Variants in CSRNP3 observed in about 807,000 individuals in gnomAD.
CSRNP3 encodes the protein cysteine/serine-rich nuclear protein 3.
A neutral mutation model predicts 48.0 loss-of-function variants in CSRNP3; 12 were observed. That is an observed-to-expected ratio of 0.25 (90% CI 0.16 to 0.41). The LOEUF (loss-of-function observed/expected upper bound fraction) is 0.41. Among genes scored for constraint, CSRNP3 ranks in the 10% least tolerant of loss-of-function variants. The pLI is 1.00. For synonymous variants in CSRNP3, 263 were observed against 269.7 expected (o/e 0.98, Z 0.24); for missense variants, 580 against 724.4 (o/e 0.80, Z 2.29).
chr2:165,485,908 G>T lies in CSRNP3; in HGVS notation c.-282-8851G>T, dbSNP rs531239300. ...TAAATCTAGTAGGTAAGGTGCCTCA[G>T]CCATCATCAAATAATTAACAAAGCT... is the stretch of plus-strand genomic sequence containing the variant. On this transcript the variant is annotated intron_variant, in intron 1 of 6. Coordinates refer to ENST00000651982, the MANE Select transcript of CSRNP3 (RefSeq NM_001172173.2). Among the ~76,000 whole-genome samples the T allele has an allele frequency of 2.0e-4, 30 of 152,254 alleles. No individual in the cohort carries two copies. The East Asian group carries it at 5.4e-3, about 27-fold the overall frequency.
At chr2:165,519,542 T>C (rs1027777229) in intron 3 of CSRNP3, among the ~76,000 whole-genome samples, 3 of 152,174 alleles carry the variant, frequency 2.0e-5, no homozygotes, top group Non-Finnish European at 4.4e-5. Flanking sequence ...AGTAAAGTAA[T>C]TTAAAATAGT....
intron 5 of CSRNP3, among the ~76,000 whole-genome samples, chr2:165,664,718 A>G (rs1687149640): frequency 6.6e-6 from 1 of 152,214 alleles, no homozygotes; most frequent in South Asian, 2.1e-4. Flanking sequence ...ATGGTGCTCC[A>G]GGAATATGTT....
chr2:165,521,041 T>G (rs895806937), intron 3 of CSRNP3, among the ~76,000 whole-genome samples: 1 of 151,510 alleles, frequency 6.6e-6, no homozygotes, highest in Non-Finnish European at 1.5e-5. Context: ...TAGCTCAGGC[T>G]AGAAGAGGGC....
In CSRNP3 at chr2:165,679,543, T is replaced by A. The variant is rs754348974; in HGVS notation, c.1548T>A (p.Asn516Lys). ...AAAATGATAGCGGTGTGCCCTGCAA[T>A]AGTTTATATCCTGAACACAGGTCCA... ...SSENDSGVPC[N>K]SLYPEHRSNH... is the part of the protein sequence containing the mutation. The change falls in exon 7 of 7, where the codon AAT (asparagine) becomes AAA (lysine). Residue 516 changes from asparagine to lysine, a missense_variant. By Grantham distance (94) the Asn-to-Lys change is moderately conservative (BLOSUM62 0). This residue lies in a region of CSRNP3 where 369 missense variants were observed against 380.8 expected (regional missense o/e 0.97). Coordinates refer to ENST00000651982, the MANE Select transcript of CSRNP3 (RefSeq NM_001172173.2). 4 of 1,613,838 alleles carry A rather than the reference T, an allele frequency of 2.5e-6. No homozygotes were observed. In the South Asian group the frequency reaches 4.4e-5, roughly 18 times the overall value.
intron 5 of CSRNP3, among the ~76,000 whole-genome samples, chr2:165,658,405 G>T (rs1687043076): frequency 6.6e-6 from 1 of 152,284 alleles, no homozygotes; most frequent in South Asian, 2.1e-4. Flanking sequence ...GTGCAATGTA[G>T]AAGAGTTGCA....
intron 3 of CSRNP3, among the ~76,000 whole-genome samples, chr2:165,575,796 T>A (rs1410661661): frequency 6.6e-6 from 1 of 151,964 alleles, no homozygotes; most frequent in Non-Finnish European, 1.5e-5. Flanking sequence ...TTCTCACCCT[T>A]TATCACTCTA....
chr2:165,482,265 C>CTT (rs5836042), intron 1 of CSRNP3, among the ~76,000 whole-genome samples: 122 of 143,294 alleles, frequency 8.5e-4, no homozygotes, highest in African/African-American at 1.2e-3. Flanking sequence ...AAGAGATGTG[C>CTT]TTTTTTTTTT....
At chr2:165,674,095 G>A (rs1268349919) in intron 5 of CSRNP3, among the ~76,000 whole-genome samples, 2 of 152,098 alleles carry the variant, frequency 1.3e-5, no homozygotes, top group African/African-American at 4.8e-5. Context: ...TTTTGTTGTT[G>A]TAATGTTACC....
rs56808567 is a variant in CSRNP3 at position 165,520,871 on chromosome 2, A to G, written c.-24+2910A>G. Among the ~76,000 whole-genome samples the G allele has an allele frequency of 7.0e-3, 958 of 137,514 alleles. 10 individuals carry two copies. The highest frequency in any genetic ancestry group is 0.025 in the African/African-American group (919 of 36,912). 90.2% of individuals were successfully genotyped at this position (137,514 alleles called of 152,430 possible). ...GAGACAAGGTCTCTCTCTGTTGCCC[A>G]GGCTGGAGCATAGTAGCAGGATCTC... On this transcript the variant is annotated intron_variant, in intron 3 of 6. Coordinates refer to ENST00000651982, the MANE Select transcript of CSRNP3 (RefSeq NM_001172173.2).
Position 165,549,211 on chromosome 2 carries a change from C to T in CSRNP3, c.-24+31250C>T, listed in dbSNP as rs190665494. 5.9e-5 allele frequency among the ~76,000 whole-genome samples: 9 copies of T among 151,978 alleles called. No homozygotes were observed. In the South Asian group the frequency reaches 6.2e-4, roughly 11 times the overall value. ...TATTTATAATCTGTGATAATAGAGA[C>T]GACCGTGTTAGGGAATCTATACCTC... On this transcript the variant is annotated intron_variant, in intron 3 of 6. Transcript: ENST00000651982.
chr2:165,623,474 TG>T (rs1237058487), intron 4 of CSRNP3, among the ~76,000 whole-genome samples: 3 of 152,288 alleles, frequency 2.0e-5, no homozygotes, highest in Non-Finnish European at 2.9e-5. Context: ...AAAATTGTCT[TG>T]CACAAAACCA....
At chr2:165,663,015 TC>T (rs1687122299) in intron 5 of CSRNP3, among the ~76,000 whole-genome samples, 1 of 152,182 alleles carries the variant, frequency 6.6e-6, no homozygotes, top group Admixed American at 6.5e-5. Context: ...TAAATTTTTT[TC>T]ATCCCAAATC....
chr2:165,556,121 C>A (rs572330078), intron 3 of CSRNP3, among the ~76,000 whole-genome samples: 1 of 151,976 alleles, frequency 6.6e-6, no homozygotes, highest in South Asian at 2.1e-4. Context: ...GCTGAAGGTG[C>A]GGAACTGAGA....
intron 3 of CSRNP3, among the ~76,000 whole-genome samples, chr2:165,562,253 C>T (rs1390053843): frequency 1.3e-5 from 2 of 152,114 alleles, no homozygotes; most frequent in African/African-American, 4.8e-5. Flanking sequence ...GGTTGAAGCA[C>T]ATCTCTTCTG....
chr2:165,593,516 A>T (rs1685758016), intron 3 of CSRNP3, among the ~76,000 whole-genome samples: 1 of 152,188 alleles, frequency 6.6e-6, no homozygotes, highest in South Asian at 2.1e-4. Context: ...TTCAGGTAGC[A>T]CACTTTGCAA....
intron 4 of CSRNP3, among the ~76,000 whole-genome samples, chr2:165,608,164 T>C (rs1023880833): frequency 1.6e-4 from 25 of 151,706 alleles, no homozygotes; most frequent in Non-Finnish European, 2.6e-4. Context: ...AATTATTTTA[T>C]TGGATTTTGT....
chr2:165,614,950 A>G (rs556091911), intron 4 of CSRNP3, among the ~76,000 whole-genome samples: 1 of 152,064 alleles, frequency 6.6e-6, no homozygotes, highest in African/African-American at 2.4e-5. Flanking sequence ...ATATTTTTCT[A>G]TTTGTTAAGA....
intron 4 of CSRNP3, among the ~76,000 whole-genome samples, chr2:165,647,982 G>T (rs997892289): frequency 6.6e-6 from 1 of 152,106 alleles, no homozygotes; most frequent in Non-Finnish European, 1.5e-5. Flanking sequence ...GTATTATATA[G>T]AACGGGGGGA....
At chr2:165,538,894 A>G (rs544827352) in intron 3 of CSRNP3, among the ~76,000 whole-genome samples, 1 of 152,102 alleles carries the variant, frequency 6.6e-6, no homozygotes, top group Admixed American at 6.6e-5. Flanking sequence ...ATTTTCAAGT[A>G]GTAAAAACTA....
Sources: gnomAD v4.1 joint callset for allele counts (sites outside exome capture counted in the v4.1 genomes callset) on GRCh38, gnomAD v4.1.1 for gene constraint, gnomAD v4.1.1 regional missense constraint, MANE v1.5 for transcripts, NCBI Gene and HGNC (gene_info 2026-07-23, HGNC 2026-07-21) for gene names.